Variants in GRIA4 observed in about 807,000 individuals in gnomAD.
GRIA4 encodes the protein glutamate receptor 4.
A neutral mutation model predicts 104.0 loss-of-function variants in GRIA4; 34 were observed. That is an observed-to-expected ratio of 0.33 (90% CI 0.25 to 0.44). The LOEUF is 0.44. Among genes scored for constraint, GRIA4 ranks in the 20% least tolerant of loss-of-function variants. GRIA4 has a pLI of 1.00. For synonymous variants in GRIA4, 386 were observed against 381.9 expected (o/e 1.01, Z -0.13); for missense variants, 750 against 1,096.5 (o/e 0.68, Z 4.46).
intron 4 of GRIA4, among the ~76,000 whole-genome samples, chr11:105,766,265 A>G (rs1490268356): frequency 1.3e-5 from 2 of 152,196 alleles, no homozygotes; most frequent in Non-Finnish European, 2.9e-5. Context: ...GTGAAATATC[A>G]AACTAGGGAT....
chr11:105,927,001 C>CTG, intron 13 of GRIA4, 62 bp downstream of exon 13: 1 of 1,061,388 alleles, frequency 9.4e-7, no homozygotes, highest in Non-Finnish European at 1.4e-6. Flanking sequence ...GCAATTTTTC[C>CTG]AACAATTATA....
Position 105,623,000 on chromosome 11 carries a change from T to C in GRIA4, c.247+10566T>C, listed in dbSNP as rs1950789235. Among the ~76,000 whole-genome samples, 4 of 150,308 alleles carry C rather than the reference T, an allele frequency of 2.7e-5. No individual in the cohort carries two copies. In the South Asian group the frequency reaches 8.4e-4, roughly 31 times the overall value. ...ATAATGGCCTCTAGTTCCATCTGTG[T>C]TGCTGAAAACAACACAATTTCATTC... On this transcript the variant is annotated intron_variant, in intron 3 of 16. Transcript: ENST00000282499.
At position 105,933,789 on chromosome 11, in the gene GRIA4, CTAG is replaced by C. The variant is rs1947952951; in HGVS notation, c.2115_2117del (p.Arg706del). 6.2e-7 allele frequency: 1 copy of C among 1,612,228 alleles called. No individual in the cohort carries two copies. The highest frequency in any genetic ancestry group is 2.2e-5 in the East Asian group (1 of 44,798). On this transcript the variant is annotated inframe_deletion, in exon 14 of 17. Coordinates refer to ENST00000282499, the MANE Select transcript of GRIA4 (RefSeq NM_000829.4). Reference sequence around the variant, plus strand: ...CGATCAGCAGAGCCATCAGTATTCACTAGGACTACAGCTGAGGGAGTAGCTCGT... The same window carrying C: ...CGATCAGCAGAGCCATCAGTATTCACGACTACAGCTGAGGGAGTAGCTCGT...
Position 105,905,272 on chromosome 11 carries a change from T to A in GRIA4, c.1129T>A (p.Phe377Ile). The stretch of plus-strand genomic sequence containing the variant: ...TAGAGTCAATTACACAATGGATGTG[T>A]TTGAGCTGAAAAGCACAGGACCTAG... ...GRRVNYTMDV[F>I]ELKSTGPRKV... Residue 377 changes from phenylalanine to isoleucine, a missense_variant, in exon 9 of 17, where the codon TTT becomes ATT. By Grantham distance (21) the Phe-to-Ile change is conservative (BLOSUM62 0). Around this residue, in one of 3 missense-constraint regions of GRIA4, gnomAD observed 410 missense variants for 502.7 expected, o/e 0.82. Coordinates refer to ENST00000282499, the MANE Select transcript of GRIA4 (RefSeq NM_000829.4). 6.3e-7 allele frequency: 1 copy of A among 1,599,936 alleles called. No homozygotes were observed. Among genetic ancestry groups the A allele is most frequent in the Non-Finnish European group, 8.6e-7 (1 of 1,167,252 alleles).
At chr11:105,933,177 G>T (rs1766852004) in intron 13 of GRIA4, among the ~76,000 whole-genome samples, 1 of 151,822 alleles carries the variant, frequency 6.6e-6, no homozygotes, top group Non-Finnish European at 1.5e-5. Context: ...AGGAGTTGTG[G>T]GTTACAGTGA....
chr11:105,733,966 C>T (rs1344668941), intron 3 of GRIA4, among the ~76,000 whole-genome samples: 1 of 148,578 alleles, frequency 6.7e-6, no homozygotes, highest in African/African-American at 2.5e-5. Flanking sequence ...TAATGATAAC[C>T]ATATTATCAT....
intron 14 of GRIA4, among the ~76,000 whole-genome samples, chr11:105,959,731 C>A (rs1948686677): frequency 6.6e-6 from 1 of 152,172 alleles, no homozygotes; most frequent in South Asian, 2.1e-4. Flanking sequence ...TTCTCATCTT[C>A]ATGAGTTTGT....
At chr11:105,669,363 C>T (rs1408429686) in intron 3 of GRIA4, among the ~76,000 whole-genome samples, 2 of 150,252 alleles carry the variant, frequency 1.3e-5, no homozygotes, top group African/African-American at 2.5e-5. Context: ...GTCATATACA[C>T]ACAATGTTAT....
chr11:105,851,616 C>T (rs1229409563), intron 4 of GRIA4, among the ~76,000 whole-genome samples: 1 of 152,082 alleles, frequency 6.6e-6, no homozygotes, highest in Non-Finnish European at 1.5e-5. Flanking sequence ...GAGTGTAGGG[C>T]ATACAGACTC....
chr11:105,905,818 T>C (rs1336354671), intron 9 of GRIA4, among the ~76,000 whole-genome samples: 1 of 152,160 alleles, frequency 6.6e-6, no homozygotes, highest in African/African-American at 2.4e-5. Flanking sequence ...GAGAAACATC[T>C]AAGTTGTTCA....
intron 3 of GRIA4, among the ~76,000 whole-genome samples, chr11:105,702,500 A>ACCAATGG (rs1171545061): frequency 2.6e-5 from 4 of 151,842 alleles, no homozygotes; most frequent in Non-Finnish European, 5.9e-5. Flanking sequence ...AATATCTACA[A>ACCAATGG]CCAATGGTAC....
intron 9 of GRIA4, among the ~76,000 whole-genome samples, chr11:105,906,635 C>T (rs1197320981): frequency 6.6e-6 from 1 of 152,168 alleles, no homozygotes; most frequent in Admixed American, 6.6e-5. Context: ...AATGGCATAG[C>T]CCTCGTGCAG....
intron 9 of GRIA4, among the ~76,000 whole-genome samples, chr11:105,908,457 C>T (rs1373959956): frequency 6.6e-6 from 1 of 152,056 alleles, no homozygotes. Flanking sequence ...TGGGTCCAAA[C>T]TTTAGGATTC....
intron 4 of GRIA4, among the ~76,000 whole-genome samples, chr11:105,816,115 G>A (rs189381215): frequency 5.3e-4 from 81 of 152,220 alleles, no homozygotes; most frequent in African/African-American, 1.7e-3. Flanking sequence ...CTGCCCACAC[G>A]TCCTAGGTCT....
intron 4 of GRIA4, among the ~76,000 whole-genome samples, chr11:105,802,037 A>C (rs573716010): frequency 1.3e-5 from 2 of 152,210 alleles, no homozygotes; most frequent in South Asian, 4.1e-4. Context: ...TGAGTTAACA[A>C]AGGGCTAAAT....
chr11:105,800,998 G>A (rs1246411137), intron 4 of GRIA4, among the ~76,000 whole-genome samples: 1 of 151,570 alleles, frequency 6.6e-6, no homozygotes, highest in East Asian at 1.9e-4. Flanking sequence ...AATACAGCAT[G>A]GTATTAACAG....
intron 3 of GRIA4, among the ~76,000 whole-genome samples, chr11:105,714,215 T>C (rs1394026500): frequency 6.6e-6 from 1 of 150,828 alleles, no homozygotes; most frequent in Non-Finnish European, 1.5e-5. Context: ...AACTAAAATA[T>C]TATAAAAATT....
rs539117967 is a variant in GRIA4, at chr11:105,883,440, C to G, written c.673-4079C>G. 2.1e-5 allele frequency among the ~76,000 whole-genome samples: 3 copies of G among 145,260 alleles called. No homozygotes were observed. The South Asian group carries it at 7.0e-4, about 34-fold the overall frequency. Reference sequence around the variant, plus strand: ...TATCCCTCCCCCCTCCCCCACCCCACGGCAGGCCCAGGTGTGTGATGTTCC... The same window carrying G: ...TATCCCTCCCCCCTCCCCCACCCCAGGGCAGGCCCAGGTGTGTGATGTTCC... On this transcript the variant is annotated intron_variant, in intron 5 of 16. Transcript: ENST00000282499.
intron 7 of GRIA4, among the ~76,000 whole-genome samples, chr11:105,899,443 T>A (rs983859570): frequency 3.3e-5 from 5 of 152,230 alleles, no homozygotes; most frequent in African/African-American, 1.2e-4. Flanking sequence ...ATACACAGGA[T>A]ATAATTATTT....
Sources: gnomAD v4.1 joint callset for allele counts (sites outside exome capture counted in the v4.1 genomes callset) on GRCh38, gnomAD v4.1.1 for gene constraint, gnomAD v4.1.1 regional missense constraint, MANE v1.5 for transcripts, NCBI Gene and HGNC (gene_info 2026-07-23, HGNC 2026-07-21) for gene names.